WDR35: variants seen among roughly 807,000 people sequenced by gnomAD.
WDR35 encodes WD repeat domain 35, also known as WD repeat-containing protein 35.
A neutral mutation model predicts 158.3 loss-of-function variants in WDR35; 118 were observed. That is an observed-to-expected ratio of 0.75 (90% CI 0.64 to 0.87). The LOEUF is 0.87. WDR35 is among the 40% of genes least tolerant of loss of function. The pLI is 0.00. For missense variants in WDR35, 1,263 were observed against 1,405.8 expected, an observed-to-expected ratio of 0.90 and a Z score of 1.62; for synonymous variants, 448 against 476.1, an observed-to-expected ratio of 0.94 and a Z score of 0.77.
chr2:19,987,889 C>T (rs1048076336), intron 2 of WDR35, among the ~76,000 whole-genome samples: 14 of 146,524 alleles, frequency 9.6e-5, no homozygotes, highest in Admixed American at 6.1e-4. Flanking sequence ...TACAGACACA[C>T]ATATATATAT....
chr2:19,924,779 G>A (rs1670305218), intron 25 of WDR35, among the ~76,000 whole-genome samples: 1 of 152,118 alleles, frequency 6.6e-6, no homozygotes, highest in Non-Finnish European at 1.5e-5. Context: ...AGTGGATAAA[G>A]GAAATACTCC....
At chr2:19,929,336 T>C (rs898820640) in intron 25 of WDR35, among the ~76,000 whole-genome samples, 1 of 152,218 alleles carries the variant, frequency 6.6e-6, no homozygotes, top group Non-Finnish European at 1.5e-5. Flanking sequence ...TTTAATATCA[T>C]GCCATTGGAA....
intron 25 of WDR35, among the ~76,000 whole-genome samples, chr2:19,929,177 C>T (rs1670450818): frequency 6.6e-6 from 1 of 152,102 alleles, no homozygotes; most frequent in Non-Finnish European, 1.5e-5. Flanking sequence ...GTAACTATAA[C>T]TTATAAATGC....
At chr2:19,959,849 C>T (rs903864707) in intron 11 of WDR35, among the ~76,000 whole-genome samples, 5 of 151,950 alleles carry the variant, frequency 3.3e-5, no homozygotes, top group Non-Finnish European at 7.4e-5. Flanking sequence ...CAATATACTA[C>T]CATACACATT....
intron 5 of WDR35, among the ~76,000 whole-genome samples, chr2:19,976,687 A>G (rs959013323): frequency 3.3e-5 from 4 of 121,794 alleles, no homozygotes; most frequent in African/African-American, 1.3e-4. Flanking sequence ...GCCAATTGAT[A>G]CTTTTTTTTT....
chr2:19,971,894 T>G (rs1672046919), intron 8 of WDR35, among the ~76,000 whole-genome samples: 1 of 152,218 alleles, frequency 6.6e-6, no homozygotes, highest in Admixed American at 6.5e-5. Context: ...TAATCTCCTT[T>G]AATCTTTACA....
At chr2:19,958,698 T>C (rs1325281544) in intron 11 of WDR35, among the ~76,000 whole-genome samples, 1 of 152,152 alleles carries the variant, frequency 6.6e-6, no homozygotes, top group Non-Finnish European at 1.5e-5. Flanking sequence ...TAGACGTAGA[T>C]CTTTAAGAAG....
At chr2:19,962,790 A>G (rs982636914) in intron 10 of WDR35, among the ~76,000 whole-genome samples, 6 of 152,200 alleles carry the variant, frequency 3.9e-5, no homozygotes, top group African/African-American at 7.2e-5. Flanking sequence ...AATAAAAATC[A>G]TATTTTAAAA....
At chr2:19,987,823 CAAAAAAA>C (rs34794090) in intron 2 of WDR35, among the ~76,000 whole-genome samples, 2 of 57,170 alleles carry the variant, frequency 3.5e-5, no homozygotes, top group African/African-American at 1.5e-4. Context: ...AACTCTGTCT[CAAAAAAA>C]AAAAAAAAAA....
chr2:19,931,473 T>C (rs1670525455), intron 23 of WDR35, 64 bp from the exon 24 acceptor site: 1 of 1,580,044 alleles, frequency 6.3e-7, no homozygotes, highest in Admixed American at 1.7e-5. Flanking sequence ...ATACAATCAT[T>C]TCCAAAACTA....
intron 2 of WDR35, among the ~76,000 whole-genome samples, chr2:19,983,482 A>G (rs1165626297): frequency 6.6e-6 from 1 of 152,212 alleles, no homozygotes; most frequent in Admixed American, 6.5e-5. Context: ...AAATTTACTA[A>G]CCATCCTACA....
In WDR35 at chr2:19,933,486, A is replaced by C; in HGVS notation, c.2573T>G (p.Val858Gly). 1 of 1,613,674 alleles carries C rather than the reference A, an allele frequency of 6.2e-7. No homozygotes were observed. The highest frequency in any genetic ancestry group is 8.5e-7 in the Non-Finnish European group (1 of 1,179,902). Reference protein sequence around the residue: ...LPEIAQMFVRVGMCEQAVTAF... With the variant: ...LPEIAQMFVRGGMCEQAVTAF... ...AGTCACTGCTTGTTCACACATTCCAACTCTGACAAACATTTGTGCTATTTC... is the reference window on the plus strand; with the variant it reads ...AGTCACTGCTTGTTCACACATTCCACCTCTGACAAACATTTGTGCTATTTC... Residue 858 changes from valine to glycine, a missense_variant, in exon 22 of 27, where the codon GTT becomes GGT. Transcript: ENST00000281405.
At chr2:19,950,150 C>T (rs1304934153) in intron 13 of WDR35, among the ~76,000 whole-genome samples, 2 of 151,918 alleles carry the variant, frequency 1.3e-5, no homozygotes, top group African/African-American at 4.8e-5. Flanking sequence ...TAGGGCTAGA[C>T]ATTAGGGAAT....
chr2:19,925,550 G>A (rs1044683542), intron 25 of WDR35, among the ~76,000 whole-genome samples: 6 of 152,300 alleles, frequency 3.9e-5, no homozygotes, highest in South Asian at 2.1e-4. Context: ...GGCCATCTGC[G>A]TGGCCAATTC....
intron 10 of WDR35, 134 bp downstream of exon 10, chr2:19,966,590 G>A: frequency 1.0e-6 from 1 of 970,834 alleles, no homozygotes; most frequent in Non-Finnish European, 1.5e-6. Context: ...TTCCAAAATT[G>A]GTCTAGACCA....
chr2:19,961,073 G>C (rs1014232322), intron 10 of WDR35, among the ~76,000 whole-genome samples: 1 of 152,132 alleles, frequency 6.6e-6, no homozygotes, highest in African/African-American at 2.4e-5. Flanking sequence ...TTGAAAAAAA[G>C]CCCTGTCAAA....
At chr2:19,974,964 C>T (rs541555920) in intron 6 of WDR35, among the ~76,000 whole-genome samples, 1 of 152,236 alleles carries the variant, frequency 6.6e-6, no homozygotes, top group African/African-American at 2.4e-5. Context: ...ATGTCCTAAC[C>T]CTTGCTAAAA....
intron 6 of WDR35, 47 bp downstream of exon 6, chr2:19,975,483 A>C: frequency 6.4e-7 from 1 of 1,574,284 alleles, no homozygotes. Context: ...TATGTACGAT[A>C]ATCATATAAA....
chr2:19,978,705 G>A (rs1409470975), intron 5 of WDR35, 46 bp downstream of exon 5: 1 of 1,612,268 alleles, frequency 6.2e-7, no homozygotes, highest in South Asian at 1.1e-5. Flanking sequence ...GAAGAAAACT[G>A]TCAGCCAGAT....
Sources: gnomAD v4.1 joint callset for allele counts (sites outside exome capture counted in the v4.1 genomes callset) on GRCh38, gnomAD v4.1.1 for gene constraint, MANE v1.5 for transcripts, NCBI Gene and HGNC (gene_info 2026-07-23, HGNC 2026-07-21) for gene names.